MAGI1: variants seen among roughly 807,000 people sequenced by gnomAD.
The protein encoded by MAGI1 is membrane associated guanylate kinase, WW and PDZ domain containing 1.
Under a neutral mutation model 139.9 loss-of-function variants are expected in MAGI1, and 58 were observed. The ratio of observed to expected loss-of-function variants is 0.41; its 90% confidence interval spans 0.34 to 0.52. The LOEUF (loss-of-function observed/expected upper bound fraction) is 0.52, where lower values mean the gene tolerates loss of function less well. Among genes scored for constraint, MAGI1 ranks in the 20% least tolerant of loss-of-function variants. The pLI is 0.12. For synonymous variants in MAGI1, 812 were observed against 737.9 expected, an observed-to-expected ratio of 1.10 and a Z score of -1.63; for missense variants, 1,874 against 1,901.6, an observed-to-expected ratio of 0.99 and a Z score of 0.27.
At chr3:65,464,583 A>G (rs564945477) in intron 5 of MAGI1, among the ~76,000 whole-genome samples, 91 of 152,266 alleles carry the variant, frequency 6.0e-4, no homozygotes, top group African/African-American at 1.9e-3. Context: ...TTAATATGTC[A>G]ACTCTTGCTT....
intron 1 of MAGI1, among the ~76,000 whole-genome samples, chr3:65,900,381 G>A (rs999867049): frequency 2.0e-5 from 3 of 152,190 alleles, no homozygotes; most frequent in Admixed American, 1.3e-4. Context: ...TTATAATTGG[G>A]AAGAGGTGAT....
intron 4 of MAGI1, among the ~76,000 whole-genome samples, chr3:65,473,893 C>T (rs1360986350): frequency 6.6e-6 from 1 of 152,008 alleles, no homozygotes; most frequent in Non-Finnish European, 1.5e-5. Context: ...CAAAAATGAG[C>T]TGCTGGCACA....
chr3:65,612,532 A>G (rs934565489), intron 2 of MAGI1, among the ~76,000 whole-genome samples: 21 of 152,154 alleles, frequency 1.4e-4, no homozygotes, highest in African/African-American at 4.8e-4. Context: ...GATCATTTTA[A>G]AAGTCTACTT....
At chr3:65,627,879 T>A (rs762824232) in intron 1 of MAGI1, among the ~76,000 whole-genome samples, 1 of 152,204 alleles carries the variant, frequency 6.6e-6, no homozygotes, top group Non-Finnish European at 1.5e-5. Flanking sequence ...TCTGCTTTTC[T>A]CACCCACATG....
intron 1 of MAGI1, among the ~76,000 whole-genome samples, chr3:65,799,474 G>C (rs1170313577): frequency 1.3e-5 from 2 of 152,152 alleles, no homozygotes; most frequent in Non-Finnish European, 2.9e-5. Context: ...TTACTGGAGA[G>C]TCTCTATCTG....
intron 2 of MAGI1, among the ~76,000 whole-genome samples, chr3:65,605,449 C>G (rs940734453): frequency 6.6e-6 from 1 of 152,110 alleles, no homozygotes; most frequent in African/African-American, 2.4e-5. Flanking sequence ...TTGATACTTG[C>G]TGGGGAGTAT....
At chr3:65,840,036 C>T (rs970797203) in intron 1 of MAGI1, among the ~76,000 whole-genome samples, 1 of 152,032 alleles carries the variant, frequency 6.6e-6, no homozygotes, top group Non-Finnish European at 1.5e-5. Context: ...AAGTGGTATA[C>T]ATTTTAAACT....
intron 3 of MAGI1, among the ~76,000 whole-genome samples, 166 bp from the exon 4 acceptor site, chr3:65,478,964 A>C (rs1364969922): frequency 1.3e-5 from 2 of 152,144 alleles, no homozygotes; most frequent in Non-Finnish European, 2.9e-5. Flanking sequence ...TATCTTTCCT[A>C]TCCAGCTAGA....
intron 1 of MAGI1, among the ~76,000 whole-genome samples, chr3:65,731,023 C>A (rs2034135259): frequency 6.6e-6 from 1 of 152,170 alleles, no homozygotes; most frequent in South Asian, 2.1e-4. Flanking sequence ...TTCTAGCCCC[C>A]AAATTTAGTT....
chr3:65,516,747 A>C (rs1174595775), intron 2 of MAGI1, among the ~76,000 whole-genome samples: 2 of 25,622 alleles, frequency 7.8e-5, no homozygotes, highest in Admixed American at 1.3e-3. Context: ...TTTTTTTTTG[A>C]GACGGAGTCT....
chr3:65,904,206 C>T (rs2061347602), intron 1 of MAGI1, among the ~76,000 whole-genome samples: 1 of 152,136 alleles, frequency 6.6e-6, no homozygotes, highest in Non-Finnish European at 1.5e-5. Flanking sequence ...TGATATTTCA[C>T]AAAATATGCA....
intron 1 of MAGI1, among the ~76,000 whole-genome samples, chr3:65,645,032 T>C (rs1358853851): frequency 7.0e-6 from 1 of 143,390 alleles, no homozygotes. Flanking sequence ...AAAAAAACAG[T>C]GAAAATGAAT....
At chr3:65,359,181 ACAGTC>A (rs1191176652) in intron 22 of MAGI1, 2 of 1,610,826 alleles carry the variant, frequency 1.2e-6, no homozygotes, top group African/African-American at 2.7e-5. Flanking sequence ...AGCACCAAGA[ACAGTC>A]AGAGAGAAGG....
intron 2 of MAGI1, among the ~76,000 whole-genome samples, chr3:65,599,250 G>A (rs1378528793): frequency 6.6e-6 from 1 of 152,220 alleles, no homozygotes; most frequent in Non-Finnish European, 1.5e-5. Flanking sequence ...CTTTACGGGT[G>A]CGGGAGAAAG....
intron 10 of MAGI1, among the ~76,000 whole-genome samples, chr3:65,431,373 A>C (rs1947439281): frequency 5.3e-5 from 8 of 152,224 alleles, no homozygotes. Context: ...AATACCAGAA[A>C]ACATATTATA....
chr3:65,361,580 T>C (rs1010832089), intron 21 of MAGI1, among the ~76,000 whole-genome samples: 2 of 152,162 alleles, frequency 1.3e-5, no homozygotes, highest in African/African-American at 4.8e-5. Flanking sequence ...GGCATGTTAA[T>C]GGTTGGGGTA....
At chr3:65,425,308 T>C (rs528725865) in intron 12 of MAGI1, among the ~76,000 whole-genome samples, 2 of 152,246 alleles carry the variant, frequency 1.3e-5, no homozygotes, top group East Asian at 3.9e-4. Flanking sequence ...ATGTACATCA[T>C]GCCCATTTTT....
chr3:65,914,946 G>A (rs2061831359), intron 1 of MAGI1, among the ~76,000 whole-genome samples: 4 of 152,130 alleles, frequency 2.6e-5, no homozygotes, highest in Admixed American at 2.0e-4. Flanking sequence ...AGTTACACAG[G>A]AATAAATTTG....
At chr3:65,597,925 T>TGGGGGGGGGGGGGGGGGGGGG (rs57059846) in intron 2 of MAGI1, 1 of 371,046 alleles carries the variant, frequency 2.7e-6, no homozygotes, top group African/African-American at 2.7e-5. Flanking sequence ...GAGGCGGGGG[T>TGGGGGGGGGGGGGGGGGGGGG]GGGGGGGGGG....
Sources: allele counts gnomAD v4.1 joint callset (sites outside exome capture counted in the v4.1 genomes callset), GRCh38; gene constraint gnomAD v4.1.1; transcripts MANE v1.5; gene names NCBI Gene and HGNC (gene_info 2026-07-23, HGNC 2026-07-21).